Variants in CABIN1 observed in about 807,000 individuals in gnomAD.
CABIN1 encodes calcineurin binding protein 1, also known as calcineurin-binding protein cabin-1.
Under a neutral mutation model 227.7 loss-of-function variants are expected in CABIN1, and 133 were observed. The observed-to-expected ratio is 0.58, with a 90% CI of 0.51 to 0.67. The LOEUF (loss-of-function observed/expected upper bound fraction) is 0.67. Ranked by LOEUF, CABIN1 falls within the 30% of genes least tolerant of loss-of-function variation. The pLI, the probability that CABIN1 is intolerant of heterozygous loss-of-function variation, is 0.00. For missense variants in CABIN1, 2,408 were observed against 2,852.5 expected (o/e 0.84, Z 3.55); for synonymous variants, 1,086 against 1,155.1 (o/e 0.94, Z 1.21).
At chr22:24,044,141 G>T (rs2037656576) in intron 6 of CABIN1, among the ~76,000 whole-genome samples, 1 of 152,182 alleles carries the variant, frequency 6.6e-6, no homozygotes, top group Admixed American at 6.5e-5. Context: ...CCCCTAAGAT[G>T]CTAGGTTGAG....
intron 28 of CABIN1, among the ~76,000 whole-genome samples, chr22:24,127,312 A>T (rs1602235199): frequency 6.6e-6 from 1 of 152,208 alleles, no homozygotes; most frequent in African/African-American, 2.4e-5. Context: ...GCTGCCCCTC[A>T]TCAACTCCAC....
chr22:24,076,619 A>G (rs1349443711), intron 19 of CABIN1, among the ~76,000 whole-genome samples: 1 of 152,300 alleles, frequency 6.6e-6, no homozygotes, highest in South Asian at 2.1e-4. Context: ...TTGTAATTTC[A>G]GGAGTAATAA....
chr22:24,164,286 C>A (rs5760229), intron 29 of CABIN1, 114 bp from the exon 30 acceptor site: 1 of 1,320,098 alleles, frequency 7.6e-7, no homozygotes, highest in Non-Finnish European at 1.1e-6. Flanking sequence ...AAGCCCCTGG[C>A]TGGGCAGTGT....
At position 24,164,517 on chromosome 22, in the gene CABIN1, C is replaced by T. The variant is rs767701617; in HGVS notation, c.4864C>T (p.Leu1622=). 2 of 1,606,070 alleles carry T rather than the reference C, an allele frequency of 1.2e-6. No homozygotes were observed. Among genetic ancestry groups the T allele is most frequent in the Non-Finnish European group, 1.7e-6 (2 of 1,179,954 alleles). The change falls in exon 30 of 37, where the codon CTG becomes TTG. Residue 1622 remains leucine, a synonymous_variant. Coordinates refer to ENST00000263119, the MANE Select transcript of CABIN1 (RefSeq NM_012295.4). ...VLAQLRDHST[L]LKVSSMLQRT... ...GGCCCAGCTGCGGGACCACAGCACCCTGCTGAAGGTGTCCTCCATGCTTCA... is the reference window on the plus strand; with the variant it reads ...GGCCCAGCTGCGGGACCACAGCACCTTGCTGAAGGTGTCCTCCATGCTTCA...
In CABIN1 at chr22:24,072,357, A is replaced by AT; in HGVS notation, c.2481dup (p.Asp828Ter). 6.2e-7 allele frequency: 1 copy of AT among 1,614,124 alleles called. No individual in the cohort carries two copies. Among genetic ancestry groups the AT allele is most frequent in the Non-Finnish European group, 8.5e-7 (1 of 1,180,016 alleles). ...GTCTCCCACCCCGCACTGTCAGGTC[A>AT]TTGACTGCAGCATGGCTGTGCAGGA... On this transcript the variant is annotated frameshift_variant, in exon 18 of 37. Transcript: ENST00000263119. LOFTEE classifies it high-confidence loss of function.
chr22:24,085,364 A>G (rs1601985309), intron 22 of CABIN1, among the ~76,000 whole-genome samples: 1 of 152,202 alleles, frequency 6.6e-6, no homozygotes, highest in Non-Finnish European at 1.5e-5. Context: ...CTCTTTTCCA[A>G]AGTCCTCTGG....
chr22:24,130,523 A>G (rs2044007952), intron 28 of CABIN1, among the ~76,000 whole-genome samples: 1 of 152,270 alleles, frequency 6.6e-6, no homozygotes, highest in South Asian at 2.1e-4. Flanking sequence ...CCCAGGAGGC[A>G]TCATGTTGCC....
chr22:24,145,928 G>A (rs1490840379), intron 29 of CABIN1, among the ~76,000 whole-genome samples: 1 of 152,234 alleles, frequency 6.6e-6, no homozygotes, highest in Non-Finnish European at 1.5e-5. Flanking sequence ...ACCAGTGGCT[G>A]TAGACATCCC....
In CABIN1 at chr22:24,178,544, C is replaced by T. The variant is rs1479926377; in HGVS notation, c.*348C>T. ...CGACGCCGGGATGAGCCGGCTCTGCCTGTGTCACAGTGGAGGGGTCCTTTA... is the reference window on the plus strand; with the variant it reads ...CGACGCCGGGATGAGCCGGCTCTGCTTGTGTCACAGTGGAGGGGTCCTTTA... On this transcript the variant is annotated 3_prime_UTR_variant, in exon 37 of 37. Coordinates refer to ENST00000263119, the MANE Select transcript of CABIN1 (RefSeq NM_012295.4). The T allele has an allele frequency of 5.5e-6, 2 of 362,954 alleles. No individual in the cohort carries two copies. The highest frequency in any genetic ancestry group is 3.9e-5 in the Admixed American group (1 of 25,578). 22.5% of individuals were successfully genotyped at this position (362,954 alleles called of 1,614,324 possible).
intron 8 of CABIN1, 50 bp downstream of exon 8, chr22:24,051,024 T>C: frequency 6.2e-7 from 1 of 1,611,112 alleles, no homozygotes; most frequent in Non-Finnish European, 8.5e-7. Flanking sequence ...GTAGGCCCTG[T>C]TGTGGGATGC....
chr22:24,130,344 G>A (rs1437802884), intron 28 of CABIN1, among the ~76,000 whole-genome samples: 1 of 152,170 alleles, frequency 6.6e-6, no homozygotes, highest in Non-Finnish European at 1.5e-5. Flanking sequence ...ATAGGTCAGG[G>A]GGCAGGGGAA....
chr22:24,044,844 G>A (rs2037717710), intron 6 of CABIN1, among the ~76,000 whole-genome samples: 3 of 151,412 alleles, frequency 2.0e-5, no homozygotes, highest in Admixed American at 1.3e-4. Context: ...CCAACATTCT[G>A]TACATGATTA....
chr22:24,078,785 T>C (rs73879035), intron 19 of CABIN1, among the ~76,000 whole-genome samples: 1,771 of 152,298 alleles, frequency 0.012, 27 homozygotes, highest in African/African-American at 0.041. Flanking sequence ...ATTTGTCTTC[T>C]GATAAAAATA....
At chr22:24,017,098 G>T (rs938587772) in intron 1 of CABIN1, among the ~76,000 whole-genome samples, 12 of 145,726 alleles carry the variant, frequency 8.2e-5, no homozygotes, top group Non-Finnish European at 1.8e-4. Context: ...GTGCAATGGC[G>T]CGATCTCGGC....
At chr22:24,144,199 T>C (rs2044963603) in intron 29 of CABIN1, among the ~76,000 whole-genome samples, 1 of 152,202 alleles carries the variant, frequency 6.6e-6, no homozygotes, top group South Asian at 2.1e-4. Context: ...AGCCACTATG[T>C]CGTTGGAAAT....
chr22:24,171,246 A>G (rs1039168752), intron 33 of CABIN1, among the ~76,000 whole-genome samples: 3 of 152,094 alleles, frequency 2.0e-5, no homozygotes, highest in Non-Finnish European at 4.4e-5. Flanking sequence ...CCAGGAAGCA[A>G]ACTCTTGCAG....
At chr22:24,168,685 C>T in intron 33 of CABIN1, 164 bp downstream of exon 33, 5 of 718,066 alleles carry the variant, frequency 7.0e-6, no homozygotes, top group Non-Finnish European at 1.3e-5. Flanking sequence ...AGCACGTGGC[C>T]ATAGTGGGCA....
At position 24,055,036 on chromosome 22, in the gene CABIN1, C is replaced by A. The variant is rs913344911; in HGVS notation, c.970C>A (p.Pro324Thr). 2 of 1,614,250 alleles carry A rather than the reference C, an allele frequency of 1.2e-6. No homozygotes were observed. The highest frequency in any genetic ancestry group is 1.7e-6 in the Non-Finnish European group (2 of 1,180,042). ...MVVTPVNVIQ[P>T]STVSTNPAVA... ...GGTGACGCCAGTTAACGTGATCCAGCCAAGCACTGTCAGCACCAACCCAGC... is the reference window on the plus strand; with the variant it reads ...GGTGACGCCAGTTAACGTGATCCAGACAAGCACTGTCAGCACCAACCCAGC... The change falls in exon 9 of 37, where the codon CCA becomes ACA. Residue 324 changes from proline to threonine, a missense_variant. Physicochemically the swap from Pro to Thr is conservative, Grantham distance 38. Around this residue, in one of 3 missense-constraint regions of CABIN1, gnomAD observed 1,045 missense variants for 1,168.4 expected, o/e 0.89. Transcript: ENST00000263119.
chr22:24,147,247 C>A (rs1309948714), intron 29 of CABIN1, among the ~76,000 whole-genome samples: 1 of 143,576 alleles, frequency 7.0e-6, no homozygotes, highest in Admixed American at 7.0e-5. Context: ...CTCCCTCTCT[C>A]CCTGCCTCCC....
Sources: allele counts gnomAD v4.1 joint callset (sites outside exome capture counted in the v4.1 genomes callset), GRCh38; gene constraint gnomAD v4.1.1; regional missense constraint gnomAD v4.1.1; transcripts MANE v1.5; gene names NCBI Gene and HGNC (gene_info 2026-07-23, HGNC 2026-07-21).